Variants in PHF24 observed in about 807,000 individuals in gnomAD.
PHF24 encodes the protein Galpha inhibitory interacting protein.
Under a neutral mutation model 42.6 loss-of-function variants are expected in PHF24, and 25 were observed. The observed-to-expected ratio is 0.59, with a 90% CI of 0.43 to 0.82. PHF24 has a LOEUF of 0.82. Among genes scored for constraint, PHF24 ranks in the 40% least tolerant of loss-of-function variants. The pLI, the probability that PHF24 is intolerant of heterozygous loss-of-function variation, is 0.00. For missense variants in PHF24, 470 were observed against 538.1 expected (o/e 0.87, Z 1.25); for synonymous variants, 185 against 204.8 (o/e 0.90, Z 0.83).
the PHF24 span, among the ~76,000 whole-genome samples, chr9:34,952,395 T>C: frequency 3.9e-5 from 6 of 152,224 alleles, no homozygotes; most frequent in African/African-American, 7.2e-5. Flanking sequence ...TGGGGAGATA[T>C]GCCGTATTCA....
At chr9:34,900,848 G>T in the PHF24 span, among the ~76,000 whole-genome samples, 1 of 152,120 alleles carries the variant, frequency 6.6e-6, no homozygotes, top group African/African-American at 2.4e-5. Context: ...CTTCTTCCAT[G>T]TGAGGACACA....
chr9:34,971,506 G>A (rs1157735427), exon 2 of PHF24: 8 of 1,614,208 alleles, frequency 5.0e-6, no homozygotes, highest in Non-Finnish European at 6.8e-6. Flanking sequence ...GGTGGTCCAG[G>A]AAGAGAGTAG....
At chr9:34,926,661 G>T in the PHF24 span, among the ~76,000 whole-genome samples, 1 of 151,978 alleles carries the variant, frequency 6.6e-6, no homozygotes, top group Non-Finnish European at 1.5e-5. The surrounding 1 kb of genome is among the most constrained non-coding windows in gnomAD (Gnocchi z 4.3). Flanking sequence ...CACACCTGCT[G>T]TGTTGGCGTA....
chr9:34,872,754 C>T, the PHF24 span, among the ~76,000 whole-genome samples: 1 of 149,400 alleles, frequency 6.7e-6, no homozygotes, highest in African/African-American at 2.5e-5. Flanking sequence ...ATGGTATTTC[C>T]AGTTCTAGAT....
the PHF24 span, among the ~76,000 whole-genome samples, chr9:34,907,667 C>G: frequency 1.2e-3 from 177 of 152,272 alleles, no homozygotes; most frequent in African/African-American, 4.1e-3. Flanking sequence ...GCCATCTTTT[C>G]TTTCATCCAT....
chr9:34,878,326 G>A, the PHF24 span, among the ~76,000 whole-genome samples: 2 of 152,148 alleles, frequency 1.3e-5, no homozygotes, highest in African/African-American at 4.8e-5. Flanking sequence ...GGTGATTTCT[G>A]CATTTCCAAC....
the PHF24 span, among the ~76,000 whole-genome samples, chr9:34,875,934 A>ACTCTCTCTCTCTCT: frequency 7.8e-4 from 61 of 78,190 alleles, no homozygotes; most frequent in Non-Finnish European, 1.2e-3. Flanking sequence ...ACACACACAC[A>ACTCTCTCTCTCTCT]CACACACACA....
chr9:34,923,029 G>T, the PHF24 span: 44 of 428,440 alleles, frequency 1.0e-4, no homozygotes, highest in Middle Eastern at 6.0e-4. Context: ...CCTAGACCCA[G>T]TTTTTTAAGT....
At chr9:34,769,681 T>G in the PHF24 span, among the ~76,000 whole-genome samples, 1 of 152,076 alleles carries the variant, frequency 6.6e-6, no homozygotes, top group Admixed American at 6.6e-5. Flanking sequence ...TATATAGTCT[T>G]AATAATTAAA....
At chr9:34,669,883 G>A in the PHF24 span, among the ~76,000 whole-genome samples, 1 of 152,162 alleles carries the variant, frequency 6.6e-6, no homozygotes, top group Admixed American at 6.5e-5. Flanking sequence ...TTAGAGGTTG[G>A]TCACAGTAAA....
chr9:34,684,977 A>G, the PHF24 span, among the ~76,000 whole-genome samples: 5 of 152,014 alleles, frequency 3.3e-5, no homozygotes, highest in Admixed American at 3.3e-4. Context: ...TGATCCTTAG[A>G]GGTTCTGTCC....
the PHF24 span, among the ~76,000 whole-genome samples, chr9:34,675,275 A>C: frequency 2.6e-5 from 4 of 152,008 alleles, no homozygotes; most frequent in African/African-American, 9.7e-5. Flanking sequence ...TCTCAACCTC[A>C]TGGGGCCTGC....
At chr9:34,858,282 A>G in the PHF24 span, among the ~76,000 whole-genome samples, 1 of 152,192 alleles carries the variant, frequency 6.6e-6, no homozygotes, top group Non-Finnish European at 1.5e-5. Context: ...TGTCTGAGAA[A>G]GCCCTTCATC....
chr9:34,901,496 A>C, the PHF24 span, among the ~76,000 whole-genome samples: 1 of 152,248 alleles, frequency 6.6e-6, no homozygotes, highest in Non-Finnish European at 1.5e-5. Flanking sequence ...AGAAAAGTTA[A>C]AGCAATGGAG....
the PHF24 span, among the ~76,000 whole-genome samples, chr9:34,863,593 G>A: frequency 6.6e-6 from 1 of 152,160 alleles, no homozygotes; most frequent in Non-Finnish European, 1.5e-5. Flanking sequence ...CTGGGCATGG[G>A]GTGCCCCCTA....
the PHF24 span, among the ~76,000 whole-genome samples, chr9:34,677,179 T>A: frequency 6.6e-6 from 1 of 152,180 alleles, no homozygotes; most frequent in Non-Finnish European, 1.5e-5. Flanking sequence ...CCCTGGTTTT[T>A]CCCTTGCCCT....
the PHF24 span, among the ~76,000 whole-genome samples, chr9:34,798,497 A>G: frequency 1.3e-5 from 2 of 152,178 alleles, no homozygotes. Flanking sequence ...TAATTTGCTT[A>G]GGATAATGGA....
At chr9:34,873,961 A>G in the PHF24 span, among the ~76,000 whole-genome samples, 1 of 152,180 alleles carries the variant, frequency 6.6e-6, no homozygotes, top group Non-Finnish European at 1.5e-5. Flanking sequence ...CTTTGAAGCA[A>G]TTGTGAATGG....
At chr9:34,681,616 G>C in the PHF24 span, among the ~76,000 whole-genome samples, 1 of 152,312 alleles carries the variant, frequency 6.6e-6, no homozygotes, top group Admixed American at 6.5e-5. Flanking sequence ...TTCGAGACCA[G>C]CTTGGCCAAC....
Sources: allele counts gnomAD v4.1 joint callset (sites outside exome capture counted in the v4.1 genomes callset), GRCh38; gene constraint gnomAD v4.1.1; non-coding constraint Gnocchi (gnomAD v3.1); transcripts MANE v1.5; gene names NCBI Gene and HGNC (gene_info 2026-07-23, HGNC 2026-07-21).